NEDD4: variants seen among roughly 807,000 people sequenced by gnomAD.
NEDD4 encodes E3 ubiquitin-protein ligase NEDD4.
In NEDD4, 99 loss-of-function variants were observed where a neutral mutation model predicts 144.9. The ratio of observed to expected loss-of-function variants is 0.68; its 90% CI spans 0.58 to 0.81. NEDD4 has a LOEUF of 0.81. NEDD4 is among the 30% of genes least tolerant of loss of function. The probability of loss-of-function intolerance (pLI) is 0.00; values close to 1 mark genes in which losing one functional copy is unlikely to be tolerated. For missense variants in NEDD4, 985 were observed against 1,065.9 expected (o/e 0.92, Z 1.06); for synonymous variants, 318 against 350.6 (o/e 0.91, Z 1.04).
At chr15:55,953,740 CT>C (rs2037287385) in intron 2 of NEDD4, among the ~76,000 whole-genome samples, 1 of 151,050 alleles carries the variant, frequency 6.6e-6, no homozygotes, top group African/African-American at 2.4e-5. Context: ...ACATGCCCGG[CT>C]TAAACTCTCT....
Position 55,830,497 on chromosome 15 carries a change from T to A in NEDD4, c.2600+17A>T. On this transcript the variant is annotated intron_variant, in intron 28 of 28. Transcript: ENST00000435532. The stretch of plus-strand genomic sequence containing the variant: ...TCTCTGAGGCTTTGTTCTATCAAGG[T>A]CCAAACAACTGCTTACCAGGTATGA... 6.2e-7 allele frequency: 1 copy of A among 1,610,770 alleles called. No homozygotes were observed. Among genetic ancestry groups the A allele is most frequent in the Admixed American group, 1.7e-5 (1 of 60,018 alleles).
At chr15:55,841,870 C>A (rs1380951175) in intron 19 of NEDD4, 64 bp downstream of exon 19, 2 of 1,423,732 alleles carry the variant, frequency 1.4e-6, no homozygotes, top group South Asian at 2.4e-5. Context: ...TGCACCCGGC[C>A]GACTCTTACT....
At chr15:55,888,662 AAG>A (rs1439578260) in intron 5 of NEDD4, among the ~76,000 whole-genome samples, 5 of 152,252 alleles carry the variant, frequency 3.3e-5, no homozygotes, top group African/African-American at 1.2e-4. Flanking sequence ...CCTAAGCAAA[AAG>A]AACAAAACTG....
chr15:55,877,274 C>T (rs1006013343), intron 5 of NEDD4, among the ~76,000 whole-genome samples: 1 of 152,120 alleles, frequency 6.6e-6, no homozygotes, highest in South Asian at 2.1e-4. Flanking sequence ...CTGGAAAGTA[C>T]CTTAGTCTTT....
Position 55,840,311 on chromosome 15 carries a change from G to C in NEDD4, c.2031+136C>G, listed in dbSNP as rs1310656505. The C allele has an allele frequency of 6.2e-6, 5 of 800,940 alleles. No individual in the cohort carries two copies. In the Admixed American group the frequency reaches 1.3e-4, roughly 21 times the overall value. The allele number at this position is 800,940 out of a possible 1,614,324, so 49.6% of individuals were successfully genotyped here. On this transcript the variant is annotated intron_variant, in intron 21 of 28. Transcript: ENST00000435532. Reference sequence around the variant, plus strand: ...TGTTAGAAAATTTTCATAATAAAATGTTGAGGAAAAAGTTCATTTGTATTT... The same window carrying C: ...TGTTAGAAAATTTTCATAATAAAATCTTGAGGAAAAAGTTCATTTGTATTT...
chr15:55,952,462 C>T (rs1431964078), intron 2 of NEDD4, among the ~76,000 whole-genome samples: 1 of 152,152 alleles, frequency 6.6e-6, no homozygotes, highest in Admixed American at 6.5e-5. Context: ...TTTACTTGTC[C>T]ATTGTTAAAT....
rs138463950 is a variant in NEDD4 at position 55,936,196 on chromosome 15, G to A, written c.238-11497C>T. Among the ~76,000 whole-genome samples the A allele has an allele frequency of 4.1e-3, 631 of 152,058 alleles. 5 individuals carry two copies. Among genetic ancestry groups the A allele is most frequent in the African/African-American group, 0.015 (604 of 41,496 alleles). On this transcript the variant is annotated intron_variant, in intron 4 of 28. Transcript: ENST00000435532. ...TCCCCCAACCCTGTATTTACTCTCC[G>A]GTATCATTGTTTTCCCTTCCATAAA...
chr15:55,889,576 T>G (rs1485476315), intron 5 of NEDD4, among the ~76,000 whole-genome samples: 5 of 151,946 alleles, frequency 3.3e-5, no homozygotes, highest in African/African-American at 9.7e-5. Flanking sequence ...CTAACAAGGG[T>G]AGTGGGGTAG....
intron 5 of NEDD4, chr15:55,915,404 A>T: frequency 6.2e-7 from 1 of 1,613,886 alleles, no homozygotes; most frequent in South Asian, 1.1e-5. Context: ...CCCCTTTAGA[A>T]CAATTGTGCT....
intron 4 of NEDD4, among the ~76,000 whole-genome samples, chr15:55,937,161 CAA>C (rs2036909796): frequency 6.6e-6 from 1 of 152,130 alleles, no homozygotes; most frequent in Admixed American, 6.6e-5. Context: ...CAGTTTTTCA[CAA>C]AAACTTTTTT....
intron 1 of NEDD4, among the ~76,000 whole-genome samples, chr15:55,975,014 T>A (rs556508807): frequency 1.2e-4 from 18 of 148,542 alleles, no homozygotes; most frequent in African/African-American, 4.5e-4. Context: ...TGCCTCAGCC[T>A]CCCGACTAGC....
chr15:55,850,192 G>A (rs1420669326), intron 14 of NEDD4, among the ~76,000 whole-genome samples: 2 of 152,130 alleles, frequency 1.3e-5, no homozygotes, highest in East Asian at 1.9e-4. Context: ...GCCTCACAAG[G>A]TTTTTTTGAT....
At position 55,829,877 on chromosome 15, in the gene NEDD4, T is replaced by C. The variant is rs1566893013; in HGVS notation, c.*20A>G. ...TATAAAACTATGGCAGTAAAAACAC[T>C]ACAGATTGTTATTTGTAATCTAATC... On this transcript the variant is annotated 3_prime_UTR_variant, in exon 29 of 29. Transcript: ENST00000435532. 1 of 1,588,084 alleles carries C rather than the reference T, an allele frequency of 6.3e-7. No homozygotes were observed. Among genetic ancestry groups the C allele is most frequent in the South Asian group, 1.1e-5 (1 of 88,384 alleles).
chr15:55,948,143 CT>C (rs1466881981), intron 4 of NEDD4, among the ~76,000 whole-genome samples: 3 of 152,168 alleles, frequency 2.0e-5, no homozygotes, highest in African/African-American at 7.2e-5. Flanking sequence ...CACAAGCATT[CT>C]TATACATCAA....
intron 1 of NEDD4, among the ~76,000 whole-genome samples, chr15:55,990,520 C>T (rs1487777874): frequency 6.6e-6 from 1 of 152,166 alleles, no homozygotes; most frequent in Non-Finnish European, 1.5e-5. Context: ...TTACCAGATA[C>T]TGGAATACTT....
At chr15:55,904,970 T>TA (rs2036038563) in intron 5 of NEDD4, among the ~76,000 whole-genome samples, 1 of 151,638 alleles carries the variant, frequency 6.6e-6, no homozygotes, top group African/African-American at 2.4e-5. Flanking sequence ...CACATGCCTG[T>TA]AATCCCAGCT....
chr15:55,904,910 T>C (rs67669364), intron 5 of NEDD4, among the ~76,000 whole-genome samples: 21,733 of 151,702 alleles, frequency 0.14, 1,676 homozygotes, highest in East Asian at 0.35. Context: ...CTGACCAACA[T>C]GGAGAAACCC....
intron 5 of NEDD4, among the ~76,000 whole-genome samples, chr15:55,885,008 C>G (rs1486765132): frequency 6.6e-6 from 1 of 152,066 alleles, no homozygotes; most frequent in African/African-American, 2.4e-5. Flanking sequence ...TATTTATTAA[C>G]AAAACTCCCA....
chr15:55,853,739 A>G (rs2034082691), intron 12 of NEDD4, among the ~76,000 whole-genome samples: 2 of 152,200 alleles, frequency 1.3e-5, no homozygotes, highest in South Asian at 2.1e-4. Flanking sequence ...CTGTAATCCC[A>G]GCACTTTTGG....
Sources: gnomAD v4.1 joint callset for allele counts (sites outside exome capture counted in the v4.1 genomes callset) on GRCh38, gnomAD v4.1.1 for gene constraint, MANE v1.5 for transcripts, NCBI Gene and HGNC (gene_info 2026-07-23, HGNC 2026-07-21) for gene names.